The following ZNF445 variants were observed in gnomAD, a reference collection of about 807,000 sequenced individuals.
The protein encoded by ZNF445 is zinc finger protein 445.
Under a neutral mutation model 93.9 loss-of-function variants are expected in ZNF445, and 19 were observed. The ratio of observed to expected loss-of-function variants is 0.20; its 90% CI spans 0.14 to 0.30. The LOEUF (loss-of-function observed/expected upper bound fraction) is 0.30, where lower values mean the gene tolerates loss of function less well. ZNF445 is among the 10% of genes least tolerant of loss of function. ZNF445 has a pLI of 1.00. For missense variants in ZNF445, 1,058 were observed against 1,259.4 expected, an observed-to-expected ratio of 0.84 and a Z score of 2.42; for synonymous variants, 449 against 446.3, an observed-to-expected ratio of 1.01 and a Z score of -0.08.
intron 2 of ZNF445, among the ~76,000 whole-genome samples, 183 bp downstream of exon 2, chr3:44,458,061 T>A: frequency 7.2e-6 from 1 of 137,958 alleles, no homozygotes; most frequent in African/African-American, 2.7e-5. Context: ...GCCATAAAAC[T>A]ATACAACTTT....
chr3:44,471,739 G>C (rs1340405413), intron 1 of ZNF445, among the ~76,000 whole-genome samples: 1 of 152,098 alleles, frequency 6.6e-6, no homozygotes, highest in Non-Finnish European at 1.5e-5. Flanking sequence ...TATGGGCCAA[G>C]AAGAGGCAAG....
chr3:44,448,487 C>A lies in ZNF445; in HGVS notation c.1184G>T (p.Ser395Ile). ...GKDSEVSGSN[S>I]LDLKHVTYLR... is the part of the protein sequence containing the mutation. ...ATATGTAACATGTTTTAAGTCAAGA[C>A]TATTACTTCCTGATACTTCAGAGTC... The change falls in exon 8 of 8, where the codon AGT becomes ATT. Residue 395 changes from serine to isoleucine, a missense_variant. Around this residue, in one of 3 missense-constraint regions of ZNF445, gnomAD observed 657 missense variants for 746.4 expected, o/e 0.88. Coordinates refer to ENST00000396077, the MANE Select transcript of ZNF445 (RefSeq NM_181489.6). 6.2e-7 allele frequency: 1 copy of A among 1,613,696 alleles called. No individual in the cohort carries two copies. Among genetic ancestry groups the A allele is most frequent in the Non-Finnish European group, 8.5e-7 (1 of 1,179,964 alleles).
intron 1 of ZNF445, among the ~76,000 whole-genome samples, chr3:44,474,280 T>C (rs6778938): frequency 0.72 from 109,226 of 152,004 alleles, 39,808 homozygotes; most frequent in East Asian, 1. Context: ...TCTGGGAGGC[T>C]GAGGTGGGCA....
rs1029074037 is a variant in ZNF445 at position 44,450,754 on chromosome 3, C to T, written c.693+114G>A. ...GGGGGATAATCTGGTCTCTGGAACA[C>T]GGGTCTTTGGATGTGAGATTACTAG... On this transcript the variant is annotated intron_variant, in intron 5 of 7. Coordinates refer to ENST00000396077, the MANE Select transcript of ZNF445 (RefSeq NM_181489.6). 62 of 1,276,954 alleles carry T rather than the reference C, an allele frequency of 4.9e-5. No individual in the cohort carries two copies. The African/African-American group carries it at 6.6e-4, about 14-fold the overall frequency. The allele number at this position is 1,276,954 out of a possible 1,614,324, so 79.1% of individuals were successfully genotyped here. A position where few individuals can be genotyped will look rare whatever the true frequency, so the allele number is the denominator to read the frequency against.
rs1697966387 is a variant in ZNF445 at position 44,452,152 on chromosome 3, G to A, written c.430-670C>T. Among the ~76,000 whole-genome samples the A allele has an allele frequency of 2.0e-5, 3 of 152,140 alleles. No homozygotes were observed. The South Asian group carries it at 6.2e-4, about 32-fold the overall frequency. On this transcript the variant is annotated intron_variant, in intron 3 of 7. Transcript: ENST00000396077. ...ACTTCAAATAACTCTGGTCTCTGAG[G>A]CAAGGCTGTCCCTCACATAGAGATG... is the stretch of plus-strand genomic sequence containing the variant.
chr3:44,450,302 T>A (rs764900739), intron 6 of ZNF445, 145 bp downstream of exon 6: 1 of 947,216 alleles, frequency 1.1e-6, no homozygotes, highest in Non-Finnish European at 1.6e-6. Flanking sequence ...CAAAAGAGGC[T>A]ACCAAGGTGC....
chr3:44,473,499 C>T (rs1698302320), intron 1 of ZNF445, among the ~76,000 whole-genome samples: 1 of 112,788 alleles, frequency 8.9e-6, no homozygotes, highest in Non-Finnish European at 1.8e-5. Context: ...ACAAAAAATG[C>T]TTTCAGTATA....
Position 44,448,637 on chromosome 3 carries a change from A to C in ZNF445, c.1034T>G (p.Val345Gly), listed in dbSNP as rs768735622. 2 of 1,614,192 alleles carry C rather than the reference A, an allele frequency of 1.2e-6. 1 individual carries two copies. The highest frequency in any genetic ancestry group is 2.2e-5 in the South Asian group (2 of 91,084). Reference protein sequence around the residue: ...AVSSGCPATSVSEGIGLRESF... With the variant: ...AVSSGCPATSGSEGIGLRESF... ...TTCTCTGAGCCCAATTCCCTCAGAA[A>C]CACTTGTCGCAGGACATCCTGATGA... Residue 345 changes from valine to glycine, a missense_variant, in exon 8 of 8, where the codon GTT becomes GGT. Coordinates refer to ENST00000396077, the MANE Select transcript of ZNF445 (RefSeq NM_181489.6).
rs1283719678 is a variant in ZNF445, at chr3:44,438,982, C to T, written c.*7593G>A. On this transcript the variant is annotated 3_prime_UTR_variant, in exon 8 of 8. Coordinates refer to ENST00000396077, the MANE Select transcript of ZNF445 (RefSeq NM_181489.6). Reference sequence around the variant, plus strand: ...TGTATACATATGTAACTAACCTGCACATTGTGCACATGTACCCTAAAAGTA... The same window carrying T: ...TGTATACATATGTAACTAACCTGCATATTGTGCACATGTACCCTAAAAGTA... 4 of 140,534 alleles carry T rather than the reference C, an allele frequency of 2.8e-5. No homozygotes were observed. Among genetic ancestry groups the T allele is most frequent in the Admixed American group, 2.2e-4 (3 of 13,494 alleles). 8.7% of individuals were successfully genotyped at this position (140,534 alleles called of 1,614,324 possible).
At chr3:44,459,553 C>A (rs1698079328) in intron 1 of ZNF445, among the ~76,000 whole-genome samples, 1 of 152,132 alleles carries the variant, frequency 6.6e-6, no homozygotes. Context: ...CCAAGAATAG[C>A]CAAGATAACT....
In ZNF445 at chr3:44,443,773, C is replaced by T. The variant is rs1697842284; in HGVS notation, c.*2802G>A. 1 of 150,264 alleles carries T rather than the reference C, an allele frequency of 6.7e-6. No homozygotes were observed. The highest frequency in any genetic ancestry group is 2.5e-5 in the African/African-American group (1 of 40,700). The allele number at this position is 150,264 out of a possible 1,614,324, so 9.3% of individuals were successfully genotyped here. A position where few individuals can be genotyped will look rare whatever the true frequency, so the allele number is the denominator to read the frequency against. On this transcript the variant is annotated 3_prime_UTR_variant, in exon 8 of 8. Coordinates refer to ENST00000396077, the MANE Select transcript of ZNF445 (RefSeq NM_181489.6). ...TCCGTATCAAAAAAAAAAAAAAATT[C>T]AGTTTTTCACTTCATTCTTTGCACA...
rs1293095383 is a variant in ZNF445 at position 44,448,575 on chromosome 3, C to T, written c.1096G>A (p.Glu366Lys). Residue 366 changes from glutamate to lysine, a missense_variant, in exon 8 of 8, where the codon GAA (glutamate) becomes AAA (lysine). Transcript: ENST00000396077. ...TTAACTCTTACTTGTATGGGATTTT[C>T]ACATTGATCCTTCTGCCTGCTCTTC... ...QQKSRQKDQC[E>K]NPIQVRVKKE... 1.2e-6 allele frequency: 2 copies of T among 1,614,078 alleles called. No individual in the cohort carries two copies.
rs1697789248 is a variant in ZNF445 at position 44,440,488 on chromosome 3, C to T, written c.*6087G>A. On this transcript the variant is annotated 3_prime_UTR_variant, in exon 8 of 8. Coordinates refer to ENST00000396077, the MANE Select transcript of ZNF445 (RefSeq NM_181489.6). ...AGTGCATGTCTTGGTGACTGTGCGT[C>T]AGTATATAGAGAACATCCTCATTTT... 1 of 152,122 alleles carries T rather than the reference C, an allele frequency of 6.6e-6. No homozygotes were observed. Among genetic ancestry groups the T allele is most frequent in the African/African-American group, 2.4e-5 (1 of 41,424 alleles). 9.4% of individuals were successfully genotyped at this position (152,122 alleles called of 1,614,324 possible). A position where few individuals can be genotyped will look rare whatever the true frequency, so the allele number is the denominator to read the frequency against.
In ZNF445 at chr3:44,447,419, A is replaced by T; in HGVS notation, c.2252T>A (p.Val751Asp). Residue 751 changes from valine to aspartate, a missense_variant, in exon 8 of 8, where the codon GTT becomes GAT. Val to Asp is a radical substitution (Grantham distance 152). This residue lies in a region of ZNF445 where 387 missense variants were observed against 475.7 expected (regional missense o/e 0.81). Transcript: ENST00000396077. This position sits in a 1 kb window ranked among gnomAD's most constrained non-coding sequence, Gnocchi z 4.7. The stretch of plus-strand genomic sequence containing the variant: ...CTCTTTGGAGTGACTGCTCTGAGGA[A>T]CCTGGAACACTGTGTCCTGACTAAA... ...PSFSQDTVFQVPQSSHSKEEP... is the reference protein window; with the variant it reads ...PSFSQDTVFQDPQSSHSKEEP... 1 of 1,614,178 alleles carries T rather than the reference A, an allele frequency of 6.2e-7. No homozygotes were observed. Among genetic ancestry groups the T allele is most frequent in the South Asian group, 1.1e-5 (1 of 91,084 alleles).
rs760658488 is a variant in ZNF445, at chr3:44,447,131, T to C, written c.2540A>G (p.Lys847Arg). 10 of 1,614,220 alleles carry C rather than the reference T, an allele frequency of 6.2e-6. No individual in the cohort carries two copies. Among genetic ancestry groups the C allele is most frequent in the Non-Finnish European group, 8.5e-6 (10 of 1,180,036 alleles). ...EKRFWCQECG[K>R]TFTRKRTLLD... ...AAGGGTTCTTTTACGTGTAAAGGTT[T>C]TCCCACATTCTTGACACCAAAAACG... Residue 847 changes from lysine (K) to arginine (R), a missense_variant, in exon 8 of 8, where the codon AAA becomes AGA. Physicochemically the swap from Lys to Arg is conservative, Grantham distance 26 (BLOSUM62 2). This residue lies in a region of ZNF445 where 387 missense variants were observed against 475.7 expected (regional missense o/e 0.81). Coordinates refer to ENST00000396077, the MANE Select transcript of ZNF445 (RefSeq NM_181489.6). The surrounding 1 kb of genome is among the most constrained non-coding windows in gnomAD (Gnocchi z 4.7).
rs1481115301 is a variant in ZNF445 at position 44,449,552 on chromosome 3, C to T, written c.892G>A (p.Ala298Thr). The T allele has an allele frequency of 6.2e-7, 1 of 1,614,168 alleles. No homozygotes were observed. The highest frequency in any genetic ancestry group is 1.1e-5 in the South Asian group (1 of 91,078). ...ACTGGATTCCCCTTAGGCTGAGCTG[C>T]CTGCATGTTCAGGCCCCATGGCTCC... ...AREPWGLNMQ[A>T]AQPKGNPVAA... The change falls in exon 7 of 8, where the codon GCA becomes ACA. Residue 298 changes from alanine (A) to threonine (T), a missense_variant. Transcript: ENST00000396077.
chr3:44,467,208 A>G (rs1267611547), intron 1 of ZNF445, among the ~76,000 whole-genome samples: 1 of 152,244 alleles, frequency 6.6e-6, no homozygotes, highest in African/African-American at 2.4e-5. Flanking sequence ...TAACAAGTAA[A>G]ATATAATCCT....
At chr3:44,475,694 G>A (rs1197320641) in intron 1 of ZNF445, among the ~76,000 whole-genome samples, 1 of 152,158 alleles carries the variant, frequency 6.6e-6, no homozygotes, top group African/African-American at 2.4e-5. Flanking sequence ...AGTGACAGCT[G>A]CTACATAGTA....
Position 44,448,122 on chromosome 3 carries a change from C to A in ZNF445, c.1549G>T (p.Val517Leu). Residue 517 changes from valine to leucine, a missense_variant, in exon 8 of 8, where the codon GTG becomes TTG. Val to Leu is a conservative substitution (Grantham distance 32). Coordinates refer to ENST00000396077, the MANE Select transcript of ZNF445 (RefSeq NM_181489.6). Reference sequence around the variant, plus strand: ...CTCCACCGGAAGGCTTTCCCACACACCCTACATTTAAATGCTTTCTCTTGA... The same window carrying A: ...CTCCACCGGAAGGCTTTCCCACACAACCTACATTTAAATGCTTTCTCTTGA... ...HTQEKAFKCR[V>L]CGKAFRWSSN... 6.2e-7 allele frequency: 1 copy of A among 1,614,062 alleles called. No homozygotes were observed. The highest frequency in any genetic ancestry group is 8.5e-7 in the Non-Finnish European group (1 of 1,180,026).
Sources: allele counts gnomAD v4.1 joint callset (sites outside exome capture counted in the v4.1 genomes callset), GRCh38; gene constraint gnomAD v4.1.1; regional missense constraint gnomAD v4.1.1; non-coding constraint Gnocchi (gnomAD v3.1); transcripts MANE v1.5; gene names NCBI Gene and HGNC (gene_info 2026-07-23, HGNC 2026-07-21).